The following FRMPD4 variants were observed in gnomAD, a reference collection of about 807,000 sequenced individuals.
FRMPD4 encodes FERM and PDZ domain-containing protein 4.
FRMPD4 carries 22 observed loss-of-function variants against 94.1 expected under a neutral mutation model. That is an observed-to-expected ratio of 0.23 (90% CI 0.17 to 0.33). The LOEUF is 0.33. FRMPD4 is among the 10% of genes least tolerant of loss of function. The pLI is 1.00. For missense variants in FRMPD4, 1,111 were observed against 1,339.9 expected (o/e 0.83, Z 2.67); for synonymous variants, 631 against 548.6 (o/e 1.15, Z -2.10).
chrX:11,928,575 A>G (rs2054102376), intron 3 of FRMPD4, among the ~76,000 whole-genome samples: 1 of 112,315 alleles, frequency 8.9e-6, no homozygotes, highest in Non-Finnish European at 1.9e-5. Flanking sequence ...TCACCATCTC[A>G]CACCAGTCAG....
intron 1 of FRMPD4, among the ~76,000 whole-genome samples, chrX:11,824,212 A>C (rs1054548706): frequency 2.0e-4 from 22 of 107,523 alleles, no homozygotes; most frequent in South Asian, 4.4e-4. Context: ...GGGAAAGAGT[A>C]GGTGTGTGGG....
At chrX:12,566,569 G>T (rs1406610256) in intron 2 of FRMPD4, among the ~76,000 whole-genome samples, 3 of 111,856 alleles carry the variant, frequency 2.7e-5, no homozygotes, top group Non-Finnish European at 5.6e-5. Flanking sequence ...TGAAATGAAG[G>T]CAGAAGAAAC....
chrX:12,142,366 T>A (rs1466701576), intron 1 of FRMPD4, among the ~76,000 whole-genome samples: 2 of 112,053 alleles, frequency 1.8e-5, no homozygotes, highest in African/African-American at 6.5e-5. Flanking sequence ...ACTAAACTTC[T>A]GTCTTTTACC....
At chrX:12,306,958 G>A (rs6640969) in intron 1 of FRMPD4, among the ~76,000 whole-genome samples, 14,547 of 111,730 alleles carry the variant, frequency 0.13, 1,088 homozygotes, top group Admixed American at 0.39. Context: ...AGAAGAAGGC[G>A]TTCAGGGCCC....
intron 14 of FRMPD4, 114 bp from the exon 15 acceptor site, chrX:12,715,955 C>T: frequency 4.4e-6 from 2 of 450,028 alleles, no homozygotes; most frequent in South Asian, 4.8e-5. Flanking sequence ...ACTGTATTTA[C>T]ATAAGTGATG....
At chrX:12,677,707 C>G (rs2059914028) in intron 5 of FRMPD4, among the ~76,000 whole-genome samples, 1 of 111,511 alleles carries the variant, frequency 9.0e-6, no homozygotes, top group South Asian at 3.8e-4. Flanking sequence ...AGATAGAGAG[C>G]CAATGTTTAT....
chrX:12,304,039 G>A (rs145049477), intron 1 of FRMPD4, among the ~76,000 whole-genome samples: 1,550 of 112,021 alleles, frequency 0.014, 17 homozygotes, highest in African/African-American at 0.048. Context: ...CTGTCATCTA[G>A]GCAATTAGAG....
chrX:12,238,616 G>A (rs1489052592), intron 1 of FRMPD4, among the ~76,000 whole-genome samples: 1 of 111,717 alleles, frequency 9.0e-6, no homozygotes, highest in African/African-American at 3.3e-5. Flanking sequence ...TTGCATATTT[G>A]TACTTGAACA....
At chrX:12,429,302 G>A (rs2056986372) in intron 1 of FRMPD4, among the ~76,000 whole-genome samples, 1 of 111,908 alleles carries the variant, frequency 8.9e-6, no homozygotes, top group East Asian at 2.8e-4. Context: ...TGGAAGGATG[G>A]TTGTTTGACT....
intron 1 of FRMPD4, among the ~76,000 whole-genome samples, chrX:12,449,040 C>A (rs1464691686): frequency 8.9e-6 from 1 of 111,898 alleles, no homozygotes; most frequent in Non-Finnish European, 1.9e-5. Context: ...TCATACCTGG[C>A]TGATCTGTTC....
intron 4 of FRMPD4, among the ~76,000 whole-genome samples, chrX:12,651,798 G>T (rs1194267675): frequency 8.9e-6 from 1 of 112,343 alleles, no homozygotes; most frequent in Non-Finnish European, 1.9e-5. Flanking sequence ...AAAGGGAAAT[G>T]GAAAGTAACT....
chrX:12,032,449 T>G (rs1220641308), intron 3 of FRMPD4, among the ~76,000 whole-genome samples: 1 of 112,333 alleles, frequency 8.9e-6, no homozygotes, highest in East Asian at 2.8e-4. Flanking sequence ...AGCAAGAAAG[T>G]AATCATTGAT....
intron 3 of FRMPD4, among the ~76,000 whole-genome samples, chrX:11,933,030 A>G (rs911920898): frequency 6.2e-5 from 7 of 112,113 alleles, no homozygotes; most frequent in Non-Finnish European, 1.1e-4. Context: ...CAGTTGCTCA[A>G]TAAATACCTG....
chrX:12,580,604 G>C (rs2058854726), intron 2 of FRMPD4, among the ~76,000 whole-genome samples: 1 of 111,749 alleles, frequency 8.9e-6, no homozygotes, highest in African/African-American at 3.3e-5. Flanking sequence ...ACCCCTTCTC[G>C]TGATGATGTG....
chrX:12,077,402 T>C (rs1201749031), intron 3 of FRMPD4, among the ~76,000 whole-genome samples: 1 of 111,820 alleles, frequency 8.9e-6, no homozygotes, highest in Non-Finnish European at 1.9e-5. Context: ...CTATATTCAG[T>C]CCCTCGGTTC....
At chrX:12,245,733 G>T (rs2053948192) in intron 1 of FRMPD4, among the ~76,000 whole-genome samples, 3 of 109,053 alleles carry the variant, frequency 2.8e-5, no homozygotes, top group Non-Finnish European at 3.8e-5. Context: ...CATGGGAGTG[G>T]GTTATCTTAG....
At chrX:12,596,636 A>T (rs1361178642) in intron 2 of FRMPD4, among the ~76,000 whole-genome samples, 1 of 110,361 alleles carries the variant, frequency 9.1e-6, no homozygotes, top group East Asian at 2.9e-4. Context: ...TCTTGAAATC[A>T]CAAGACTACC....
At position 12,331,707 on chromosome X, in the gene FRMPD4, A is replaced by AAT. The variant is rs752790229; in HGVS notation, c.42-166973_42-166972insAT. 8.4e-3 allele frequency among the ~76,000 whole-genome samples: 387 copies of AAT among 46,282 alleles called. 20 individuals are homozygous for AAT. Among genetic ancestry groups the AAT allele is most frequent in the Non-Finnish European group, 0.012 (316 of 27,292 alleles). The allele number at this position is 46,282 out of a possible 115,157, so 40.2% of individuals were successfully genotyped here. A position where few individuals can be genotyped will look rare whatever the true frequency, so the allele number is the denominator to read the frequency against. On this transcript the variant is annotated intron_variant, in intron 1 of 16. Transcript: ENST00000675598. ...TATTTATATAATATATAAATATATA[A>AAT]TATATAATTTATATATAGTATATAA... is the stretch of plus-strand genomic sequence containing the variant.
At chrX:12,533,994 G>T (rs1027460005) in intron 2 of FRMPD4, among the ~76,000 whole-genome samples, 2 of 112,709 alleles carry the variant, frequency 1.8e-5, no homozygotes, top group South Asian at 7.3e-4. Flanking sequence ...GAGTCTTCAC[G>T]GAATCCCCTC....
Sources: allele counts gnomAD v4.1 joint callset (sites outside exome capture counted in the v4.1 genomes callset), GRCh38; gene constraint gnomAD v4.1.1; transcripts MANE v1.5; gene names NCBI Gene and HGNC (gene_info 2026-07-23, HGNC 2026-07-21).